Variants in KCNQ3 observed in about 807,000 individuals in gnomAD.
KCNQ3 encodes the protein potassium voltage-gated channel subfamily Q member 3.
Under a neutral mutation model 92.5 loss-of-function variants are expected in KCNQ3, and 30 were observed. The ratio of observed to expected loss-of-function variants is 0.32; its 90% CI spans 0.24 to 0.44. KCNQ3 has a LOEUF of 0.44. Ranked by LOEUF, KCNQ3 falls within the 20% of genes least tolerant of loss-of-function variation. KCNQ3 has a pLI of 1.00. For missense variants in KCNQ3, 913 were observed against 1,140.3 expected (o/e 0.80, Z 2.87); for synonymous variants, 450 against 468.8 (o/e 0.96, Z 0.52).
chr8:132,155,513 C>T (rs909457453), intron 9 of KCNQ3, among the ~76,000 whole-genome samples: 15 of 152,184 alleles, frequency 9.9e-5, no homozygotes, highest in Non-Finnish European at 4.4e-5. Context: ...CTATTCTAAG[C>T]ATGCAATCCT....
rs1225526611 is a variant in KCNQ3, at chr8:132,122,570, A to C, written c.*6692T>G. On this transcript the variant is annotated 3_prime_UTR_variant, in exon 15 of 15. Coordinates refer to ENST00000388996, the MANE Select transcript of KCNQ3 (RefSeq NM_004519.4). ...TCAAAGAAATTCATTATTTCCCTTGAAGCTTATTTTAAGCCCATAACAGTG... is the reference window on the plus strand; with the variant it reads ...TCAAAGAAATTCATTATTTCCCTTGCAGCTTATTTTAAGCCCATAACAGTG... 1 of 152,220 alleles carries C rather than the reference A, an allele frequency of 6.6e-6. No individual in the cohort carries two copies. The highest frequency in any genetic ancestry group is 1.5e-5 in the Non-Finnish European group (1 of 68,040). 9.4% of individuals were successfully genotyped at this position (152,220 alleles called of 1,614,324 possible). A position where few individuals can be genotyped will look rare whatever the true frequency, so the allele number is the denominator to read the frequency against.
At chr8:132,277,720 C>T (rs1035341064) in intron 1 of KCNQ3, among the ~76,000 whole-genome samples, 1 of 152,090 alleles carries the variant, frequency 6.6e-6, no homozygotes, top group Non-Finnish European at 1.5e-5. Flanking sequence ...TGGAAAAGTC[C>T]CTGCTGGCAG....
intron 1 of KCNQ3, among the ~76,000 whole-genome samples, chr8:132,344,233 A>G (rs995573743): frequency 6.6e-5 from 10 of 152,240 alleles, no homozygotes; most frequent in Non-Finnish European, 1.5e-4. Context: ...CCTATTCTCT[A>G]CTAACATAAA....
intron 1 of KCNQ3, among the ~76,000 whole-genome samples, chr8:132,463,667 C>T (rs1455700603): frequency 6.6e-6 from 1 of 152,174 alleles, no homozygotes; most frequent in African/African-American, 2.4e-5. Context: ...ATCTTTTCTT[C>T]TACACTTCTA....
chr8:132,199,319 A>T (rs1827391008), intron 1 of KCNQ3, among the ~76,000 whole-genome samples: 1 of 152,238 alleles, frequency 6.6e-6, no homozygotes, highest in African/African-American at 2.4e-5. Context: ...ATATCCCCCA[A>T]TTAATACCTG....
intron 1 of KCNQ3, among the ~76,000 whole-genome samples, chr8:132,282,847 C>G (rs1419205342): frequency 6.6e-6 from 1 of 152,222 alleles, no homozygotes; most frequent in Non-Finnish European, 1.5e-5. Flanking sequence ...ATGCCAGAAG[C>G]CTGGCCCAAT....
intron 1 of KCNQ3, among the ~76,000 whole-genome samples, chr8:132,225,927 T>C (rs1814400387): frequency 6.6e-6 from 1 of 152,160 alleles, no homozygotes; most frequent in African/African-American, 2.4e-5. Context: ...CAAATGAGCT[T>C]GAAGCCTACT....
intron 1 of KCNQ3, among the ~76,000 whole-genome samples, chr8:132,293,701 G>A (rs1468955737): frequency 6.6e-6 from 1 of 152,208 alleles, no homozygotes; most frequent in Non-Finnish European, 1.5e-5. Flanking sequence ...TGAGAGGGAA[G>A]GTGTTGGGTG....
chr8:132,174,121 G>A lies in KCNQ3; in HGVS notation c.1044+118C>T, dbSNP rs113878138. The A allele has an allele frequency of 2.6e-5, 20 of 770,970 alleles. No individual in the cohort carries two copies. In the African/African-American group the frequency reaches 2.7e-4, roughly 11 times the overall value. 47.8% of individuals were successfully genotyped at this position (770,970 alleles called of 1,614,324 possible). Reference sequence around the variant, plus strand: ...CAGGATCATCATGCTTAAGGGAATGGCTAGGGAGTTGGTAGGGTATAAGAG... The same window carrying A: ...CAGGATCATCATGCTTAAGGGAATGACTAGGGAGTTGGTAGGGTATAAGAG... On this transcript the variant is annotated intron_variant, in intron 6 of 14. Transcript: ENST00000388996.
intron 1 of KCNQ3, among the ~76,000 whole-genome samples, chr8:132,217,647 C>T (rs1336209950): frequency 2.1e-5 from 3 of 142,472 alleles, no homozygotes; most frequent in Non-Finnish European, 4.5e-5. Context: ...GGAGGTGGAG[C>T]TTGCAGTGAG....
At chr8:132,239,576 A>G (rs1814922232) in intron 1 of KCNQ3, among the ~76,000 whole-genome samples, 1 of 152,218 alleles carries the variant, frequency 6.6e-6, no homozygotes, top group Non-Finnish European at 1.5e-5. Flanking sequence ...ACAGACTGCA[A>G]AACCTGGAAG....
chr8:132,146,849 G>C (rs1451876285), intron 9 of KCNQ3, among the ~76,000 whole-genome samples: 1 of 152,054 alleles, frequency 6.6e-6, no homozygotes, highest in Admixed American at 6.6e-5. Flanking sequence ...GTAGAAACAG[G>C]GTTTTGCCAT....
intron 1 of KCNQ3, among the ~76,000 whole-genome samples, chr8:132,464,720 T>G (rs191300023): frequency 6.9e-4 from 105 of 152,348 alleles, no homozygotes; most frequent in African/African-American, 2.5e-3. Context: ...ATTTAAACAG[T>G]GTTGACAACT....
chr8:132,185,398 A>G (rs1272274179), intron 2 of KCNQ3, among the ~76,000 whole-genome samples: 1 of 152,234 alleles, frequency 6.6e-6, no homozygotes, highest in African/African-American at 2.4e-5. Flanking sequence ...CCAGTTGACC[A>G]GTGCTGTCCT....
At chr8:132,447,231 T>C (rs1257733528) in intron 1 of KCNQ3, 3 of 1,535,552 alleles carry the variant, frequency 2.0e-6, no homozygotes, top group Middle Eastern at 1.7e-4. Context: ...CTTCATAAGG[T>C]AATGAATGCA....
intron 1 of KCNQ3, among the ~76,000 whole-genome samples, chr8:132,450,600 G>GA (rs1362586053): frequency 6.6e-6 from 1 of 152,160 alleles, no homozygotes; most frequent in Non-Finnish European, 1.5e-5. Flanking sequence ...TCCATAGCAG[G>GA]ATGTGAGGAA....
In KCNQ3 at chr8:132,131,639, T is replaced by C. The variant is rs144385330; in HGVS notation, c.1884+541A>G. On this transcript the variant is annotated intron_variant, in intron 14 of 14. Transcript: ENST00000388996. ...TCCTCACAGCAACCTAATAGGGTAT[T>C]ATAATCCCCATACTACAGATGAGGA... Among the ~76,000 whole-genome samples the C allele has an allele frequency of 1.1e-3, 167 of 152,312 alleles. 1 individual carries two copies. The highest frequency in any genetic ancestry group is 1.6e-3 in the Non-Finnish European group (108 of 68,032).
At chr8:132,429,963 G>GTTCA (rs551678920) in intron 1 of KCNQ3, among the ~76,000 whole-genome samples, 67 of 151,532 alleles carry the variant, frequency 4.4e-4, no homozygotes, top group Admixed American at 8.5e-4. Context: ...AAGTGCTCTA[G>GTTCA]TTCATTCATT....
intron 9 of KCNQ3, among the ~76,000 whole-genome samples, chr8:132,147,442 G>C (rs1232501701): frequency 6.6e-6 from 1 of 152,224 alleles, no homozygotes; most frequent in Non-Finnish European, 1.5e-5. Context: ...TAGGAAGACT[G>C]AGAGGCATCG....
Sources: gnomAD v4.1 joint callset for allele counts (sites outside exome capture counted in the v4.1 genomes callset) on GRCh38, gnomAD v4.1.1 for gene constraint, MANE v1.5 for transcripts, NCBI Gene and HGNC (gene_info 2026-07-23, HGNC 2026-07-21) for gene names.